The following ZFP41 variants were observed in gnomAD, a reference collection of about 807,000 sequenced individuals.
ZFP41 encodes zinc finger protein 41 homolog.
A neutral mutation model predicts 11.6 loss-of-function variants in ZFP41; 10 were observed. The observed-to-expected ratio is 0.86, with a 90% CI of 0.53 to 1.47. ZFP41 has a LOEUF of 1.47. ZFP41 is among the 40% of genes most tolerant of loss of function. The pLI is 0.00. For missense variants in ZFP41, 302 were observed against 264.6 expected (o/e 1.14, Z -0.98); for synonymous variants, 123 against 100.9 (o/e 1.22, Z -1.31).
chr8:143,254,865 G>A (rs1454054858), intron 2 of ZFP41, among the ~76,000 whole-genome samples: 2 of 152,114 alleles, frequency 1.3e-5, no homozygotes, highest in Non-Finnish European at 2.9e-5. Context: ...TACTTTTAAT[G>A]CCTGCACAAT....
At chr8:143,248,874 G>GA (rs1220102125) in intron 1 of ZFP41, among the ~76,000 whole-genome samples, 2 of 152,200 alleles carry the variant, frequency 1.3e-5, no homozygotes, top group Non-Finnish European at 2.9e-5. Context: ...TTTTCCTGTA[G>GA]AAAAGACCAG....
Position 143,261,682 on chromosome 8 carries a change from C to G in ZFP41, c.*2808C>G, listed in dbSNP as rs1815042314. The G allele has an allele frequency of 6.1e-6, 1 of 163,044 alleles. No individual in the cohort carries two copies. 10.1% of individuals were successfully genotyped at this position (163,044 alleles called of 1,614,324 possible). A position where few individuals can be genotyped will look rare whatever the true frequency, so the allele number is the denominator to read the frequency against. On this transcript the variant is annotated 3_prime_UTR_variant, in exon 3 of 3. Transcript: ENST00000330701. The stretch of plus-strand genomic sequence containing the variant: ...GCCTAACGCTGCTGTCTCGCAGTCA[C>G]CCCTGCAGGCCGCTCAGGGCAGGGC...
chr8:143,248,265 G>A (rs187884786), intron 1 of ZFP41: 95 of 152,350 alleles, frequency 6.2e-4, no homozygotes, highest in African/African-American at 2.3e-3. Flanking sequence ...ACCACAGTAT[G>A]TGACTAGGAT....
In ZFP41 at chr8:143,257,318, C is replaced by A. The variant is rs141394105; in HGVS notation, c.*901-2457C>A. Among the ~76,000 whole-genome samples, 129 of 152,296 alleles carry A rather than the reference C, an allele frequency of 8.5e-4. 3 individuals are homozygous for A. The East Asian group carries it at 0.023, about 27-fold the overall frequency. On this transcript the variant is annotated intron_variant, in intron 2 of 2. Coordinates refer to ENST00000330701, the MANE Select transcript of ZFP41 (RefSeq NM_173832.6). ...ACAAGTCATGGCTAACATGGTGAAA[C>A]CCCATTTCTACTAAAAATACAGAAG... is the stretch of plus-strand genomic sequence containing the variant.
In ZFP41 at chr8:143,250,549, GT is replaced by G; in HGVS notation, c.*110del. On this transcript the variant is annotated 3_prime_UTR_variant, in exon 2 of 3. Transcript: ENST00000330701. ...ATGGGGGCGCAGGGCCGTGCGCACT[GT>G]GTTCCGTGCCCTGGGGACCCCCGGA... The G allele has an allele frequency of 6.6e-7, 1 of 1,508,982 alleles. No homozygotes were observed. The highest frequency in any genetic ancestry group is 8.9e-7 in the Non-Finnish European group (1 of 1,128,734). 93.5% of individuals were successfully genotyped at this position (1,508,982 alleles called of 1,614,324 possible).
At chr8:143,257,230 G>A (rs1163905299) in intron 2 of ZFP41, among the ~76,000 whole-genome samples, 4 of 152,170 alleles carry the variant, frequency 2.6e-5, no homozygotes, top group African/African-American at 9.7e-5. Flanking sequence ...GGTGGCTCAC[G>A]CCTATAATCC....
chr8:143,260,808 G>T lies in ZFP41; in HGVS notation c.*1934G>T. 1 of 178,482 alleles carries T rather than the reference G, an allele frequency of 5.6e-6. No homozygotes were observed. Among genetic ancestry groups the T allele is most frequent in the Non-Finnish European group, 1.2e-5 (1 of 83,764 alleles). 11.1% of individuals were successfully genotyped at this position (178,482 alleles called of 1,614,324 possible). A position where few individuals can be genotyped will look rare whatever the true frequency, so the allele number is the denominator to read the frequency against. On this transcript the variant is annotated 3_prime_UTR_variant, in exon 3 of 3. Transcript: ENST00000330701. ...CAGCCCCACTCAGCTGCCCTGACCA[G>T]CGGGCACCATCCTCCCAGCCTCACT... is the stretch of plus-strand genomic sequence containing the variant.
rs1256131679 is a variant in ZFP41, at chr8:143,261,877, G to A, written c.*3003G>A. 3.2e-5 allele frequency: 2 copies of A among 61,662 alleles called. No homozygotes were observed. The highest frequency in any genetic ancestry group is 4.4e-4 in the East Asian group (1 of 2,286). The allele number at this position is 61,662 out of a possible 1,614,324, so 3.8% of individuals were successfully genotyped here. On this transcript the variant is annotated 3_prime_UTR_variant, in exon 3 of 3. Coordinates refer to ENST00000330701, the MANE Select transcript of ZFP41 (RefSeq NM_173832.6). ...GCACCCGCACCCCTGCACCTGCCACGCCCGTCTCCGGCAGCACCTGCCACG... is the reference window on the plus strand; with the variant it reads ...GCACCCGCACCCCTGCACCTGCCACACCCGTCTCCGGCAGCACCTGCCACG...
In ZFP41 at chr8:143,250,307, G is replaced by A; in HGVS notation, c.464G>A (p.Gly155Asp). 5.0e-6 allele frequency: 8 copies of A among 1,614,026 alleles called. No homozygotes were observed. The highest frequency in any genetic ancestry group is 6.8e-6 in the Non-Finnish European group (8 of 1,180,026). Residue 155 changes from glycine to aspartate, a missense_variant, in exon 2 of 3, where the codon GGC (glycine) becomes GAC (aspartate). Coordinates refer to ENST00000330701, the MANE Select transcript of ZFP41 (RefSeq NM_173832.6). ...CGECGKAFNC[G>D]SNLLKHQKTH... ...GAGTGCGGGAAAGCCTTTAACTGCG[G>A]CTCCAATCTCCTGAAACATCAGAAG...
chr8:143,258,762 C>T (rs1034565958), intron 2 of ZFP41, among the ~76,000 whole-genome samples: 1 of 152,158 alleles, frequency 6.6e-6, no homozygotes, highest in Non-Finnish European at 1.5e-5. Flanking sequence ...ATCCATGGCT[C>T]GTAAATACCT....
chr8:143,257,282 A>C (rs1586717032), intron 2 of ZFP41, among the ~76,000 whole-genome samples: 2 of 152,266 alleles, frequency 1.3e-5, no homozygotes, highest in Admixed American at 1.3e-4. Context: ...ACCTGAGGAC[A>C]GGAGTTCAAG....
chr8:143,247,739 A>C (rs577546936), intron 1 of ZFP41: 1 of 152,260 alleles, frequency 6.6e-6, no homozygotes, highest in Non-Finnish European at 1.5e-5. Flanking sequence ...TCCTGTCTAC[A>C]GGCCTGTGAG....
intron 2 of ZFP41, among the ~76,000 whole-genome samples, chr8:143,256,428 TG>T (rs1186488193): frequency 4.9e-4 from 75 of 152,072 alleles, no homozygotes; most frequent in African/African-American, 1.7e-3. Flanking sequence ...CTGGTGTTAG[TG>T]AGATCAGGGC....
At chr8:143,259,570 G>A (rs947156681) in intron 2 of ZFP41, among the ~76,000 whole-genome samples, 6 of 152,128 alleles carry the variant, frequency 3.9e-5, no homozygotes, top group African/African-American at 7.2e-5. Flanking sequence ...TGGGGTGCAC[G>A]GGTTAACGCC....
chr8:143,256,942 C>G (rs1461402959), intron 2 of ZFP41, among the ~76,000 whole-genome samples: 2 of 152,240 alleles, frequency 1.3e-5, no homozygotes, highest in Non-Finnish European at 2.9e-5. Flanking sequence ...AAGCCGGAGG[C>G]CGTCTAGGCT....
intron 2 of ZFP41, among the ~76,000 whole-genome samples, chr8:143,251,801 C>T (rs1330225724): frequency 1.3e-5 from 2 of 152,204 alleles, no homozygotes; most frequent in African/African-American, 4.8e-5. Context: ...GGCCCCATAC[C>T]AGCTTGGCCA....
At position 143,261,704 on chromosome 8, in the gene ZFP41, G is replaced by A. The variant is rs1350030492; in HGVS notation, c.*2830G>A. On this transcript the variant is annotated 3_prime_UTR_variant, in exon 3 of 3. Coordinates refer to ENST00000330701, the MANE Select transcript of ZFP41 (RefSeq NM_173832.6). ...TCACCCCTGCAGGCCGCTCAGGGCA[G>A]GGCTCTGGCCTGACGGGGGTTCCTG... 1.1e-5 allele frequency: 2 copies of A among 174,994 alleles called. No individual in the cohort carries two copies. The highest frequency in any genetic ancestry group is 1.2e-5 in the Non-Finnish European group (1 of 82,736). 10.8% of individuals were successfully genotyped at this position (174,994 alleles called of 1,614,324 possible).
At chr8:143,259,443 C>T (rs767514219) in intron 2 of ZFP41, among the ~76,000 whole-genome samples, 4 of 152,148 alleles carry the variant, frequency 2.6e-5, no homozygotes, top group Non-Finnish European at 5.9e-5. Context: ...TTTGCTCTAG[C>T]GCGGTTAAAG....
At chr8:143,248,877 A>AAGACCCGCTACTTAGG (rs1471902925) in intron 1 of ZFP41, among the ~76,000 whole-genome samples, 1 of 152,242 alleles carries the variant, frequency 6.6e-6, no homozygotes, top group Non-Finnish European at 1.5e-5. Flanking sequence ...TCCTGTAGAA[A>AAGACCCGCTACTTAGG]AGACCAGACC....
Sources: allele counts gnomAD v4.1 joint callset (sites outside exome capture counted in the v4.1 genomes callset), GRCh38; gene constraint gnomAD v4.1.1; transcripts MANE v1.5; gene names NCBI Gene and HGNC (gene_info 2026-07-23, HGNC 2026-07-21).